ACTN4: variants seen among roughly 807,000 people sequenced by gnomAD.
ACTN4 encodes alpha-actinin-4.
A neutral mutation model predicts 114.2 loss-of-function variants in ACTN4; 18 were observed. That is an observed-to-expected ratio of 0.16 (90% CI 0.11 to 0.23). ACTN4 has a LOEUF of 0.23. Ranked by LOEUF, ACTN4 falls within the 10% of genes least tolerant of loss-of-function variation. The probability of loss-of-function intolerance (pLI) is 1.00; values close to 1 mark genes in which losing one functional copy is unlikely to be tolerated. For synonymous variants in ACTN4, 515 were observed against 506.3 expected (o/e 1.02, Z -0.23); for missense variants, 722 against 1,262.9 (o/e 0.57, Z 6.49).
intron 1 of ACTN4, 62 bp downstream of exon 1, chr19:38,647,969 G>A: frequency 5.0e-6 from 7 of 1,402,360 alleles, no homozygotes; most frequent in Non-Finnish European, 4.6e-6. Context: ...GGGGAGGGGT[G>A]GGAGGTCCTG....
intron 1 of ACTN4, among the ~76,000 whole-genome samples, chr19:38,676,093 G>A (rs962942758): frequency 2.6e-5 from 4 of 152,172 alleles, no homozygotes; most frequent in Admixed American, 2.6e-4. Flanking sequence ...ATAGGGTCTT[G>A]TTCTGTGGGA....
At chr19:38,704,090 A>G (rs1372037246) in intron 3 of ACTN4, among the ~76,000 whole-genome samples, 2 of 152,214 alleles carry the variant, frequency 1.3e-5, no homozygotes, top group African/African-American at 4.8e-5. Context: ...AGGCAGGAAG[A>G]TCACTTGAGC....
intron 1 of ACTN4, among the ~76,000 whole-genome samples, chr19:38,658,518 C>A (rs947060752): frequency 2.0e-5 from 3 of 152,118 alleles, no homozygotes; most frequent in Middle Eastern, 3.2e-3. Flanking sequence ...GAGTACCTTG[C>A]CTTAAACTAT....
intron 1 of ACTN4, among the ~76,000 whole-genome samples, chr19:38,673,498 T>TATATATTC (rs1967212817): frequency 1.7e-5 from 1 of 57,940 alleles, no homozygotes; most frequent in African/African-American, 4.2e-5. Flanking sequence ...CATATATATT[T>TATATATTC]ATATATATGA....
intron 1 of ACTN4, among the ~76,000 whole-genome samples, chr19:38,697,673 C>T (rs1968138722): frequency 6.6e-6 from 1 of 152,258 alleles, no homozygotes; most frequent in African/African-American, 2.4e-5. Context: ...GTGCGTGGCC[C>T]TCCCTGCAGC....
At position 38,726,452 on chromosome 19, in the gene ACTN4, G is replaced by A. The variant is rs1568748568; in HGVS notation, c.2191-505G>A. On this transcript the variant is annotated intron_variant, in intron 17 of 20. Coordinates refer to ENST00000252699, the MANE Select transcript of ACTN4 (RefSeq NM_004924.6). The stretch of plus-strand genomic sequence containing the variant: ...CACCGTTTGCCCTGTGGCCTTAGCA[G>A]TATCAGCCTTGCTCAGGGCCAGAGC... Among the ~76,000 whole-genome samples the A allele has an allele frequency of 2.0e-5, 3 of 152,234 alleles. No individual in the cohort carries two copies. The South Asian group carries it at 6.2e-4, about 31-fold the overall frequency.
rs577488414 is a variant in ACTN4, at chr19:38,729,727, A to C, written c.*295A>C. ...AGGGGCCAGTGGATTCCCACAGCAC[A>C]ACCGGTCCCTTCCATGCCCTGGGAT... On this transcript the variant is annotated 3_prime_UTR_variant, in exon 21 of 21. Transcript: ENST00000252699. The C allele has an allele frequency of 2.0e-4, 121 of 599,182 alleles. 1 individual carries two copies. Among genetic ancestry groups the C allele is most frequent in the South Asian group, 1.2e-3 (77 of 65,744 alleles). The allele number at this position is 599,182 out of a possible 1,614,324, so 37.1% of individuals were successfully genotyped here.
chr19:38,685,804 C>T (rs1417123136), intron 1 of ACTN4, among the ~76,000 whole-genome samples: 3 of 151,998 alleles, frequency 2.0e-5, no homozygotes, highest in Non-Finnish European at 4.4e-5. Context: ...CTGACTTGGC[C>T]GGGTGGACTG....
At chr19:38,695,803 A>C (rs1470518265) in intron 1 of ACTN4, among the ~76,000 whole-genome samples, 1 of 151,544 alleles carries the variant, frequency 6.6e-6, no homozygotes, top group East Asian at 1.9e-4. Flanking sequence ...CTTCAAGGAC[A>C]CCTTTCTGTG....
intron 16 of ACTN4, among the ~76,000 whole-genome samples, chr19:38,725,506 C>G (rs1029434565): frequency 2.0e-5 from 3 of 152,238 alleles, no homozygotes; most frequent in African/African-American, 7.2e-5. Flanking sequence ...CAGAGAAAAC[C>G]TCCCTGTCAT....
At chr19:38,672,961 T>C (rs1161353483) in intron 1 of ACTN4, among the ~76,000 whole-genome samples, 1 of 149,748 alleles carries the variant, frequency 6.7e-6, no homozygotes, top group African/African-American at 2.5e-5. Context: ...TTTTTTTTTT[T>C]GGAGACAGTC....
intron 1 of ACTN4, among the ~76,000 whole-genome samples, chr19:38,649,716 C>T (rs1228069661): frequency 6.6e-6 from 1 of 152,012 alleles, no homozygotes; most frequent in Non-Finnish European, 1.5e-5. Flanking sequence ...GACTGGAAGC[C>T]TCTCGAGGGC....
Position 38,709,464 on chromosome 19 carries a change from C to G in ACTN4, c.721C>G (p.Leu241Val). Residue 241 changes from leucine (L) to valine (V), a missense_variant, in exon 7 of 21, where the codon CTG (leucine) becomes GTG (valine). This residue lies in a region of ACTN4 where 127 missense variants were observed against 311.3 expected (regional missense o/e 0.41). Coordinates refer to ENST00000252699, the MANE Select transcript of ACTN4 (RefSeq NM_004924.6). ...GAAATACCTCGACATCCCCAAGATG[C>G]TGGATGCAGAGGGTAAGTCATCTCT... Reference protein sequence around the residue: ...AEKYLDIPKMLDAEDIVNTAR... With the variant: ...AEKYLDIPKMVDAEDIVNTAR... The G allele has an allele frequency of 6.2e-7, 1 of 1,613,760 alleles. No homozygotes were observed. Among genetic ancestry groups the G allele is most frequent in the Non-Finnish European group, 8.5e-7 (1 of 1,179,622 alleles).
intron 1 of ACTN4, among the ~76,000 whole-genome samples, chr19:38,681,299 C>T (rs1246838297): frequency 2.0e-5 from 3 of 152,016 alleles, no homozygotes; most frequent in African/African-American, 7.2e-5. Flanking sequence ...CCCATGTCTC[C>T]CTCAGCAGCC....
Position 38,724,695 on chromosome 19 carries a change from A to G in ACTN4, c.2010+130A>G, listed in dbSNP as rs1042446530. 3 of 1,445,298 alleles carry G rather than the reference A, an allele frequency of 2.1e-6. No individual in the cohort carries two copies. Among genetic ancestry groups the G allele is most frequent in the South Asian group, 2.3e-5 (2 of 85,214 alleles). 89.5% of individuals were successfully genotyped at this position (1,445,298 alleles called of 1,614,324 possible). A position where few individuals can be genotyped will look rare whatever the true frequency, so the allele number is the denominator to read the frequency against. ...GAGCAGGTCCCAATTCTCACCACCC[A>G]GGGGCCGTGATCACCCTGCGGGGTT... On this transcript the variant is annotated intron_variant, in intron 16 of 20. Transcript: ENST00000252699. This position sits in a 1 kb window ranked among gnomAD's most constrained non-coding sequence, Gnocchi z 7.0.
rs111502047 is a variant in ACTN4 at position 38,705,021 on chromosome 19, G to A, written c.484+1G>A. On this transcript the variant is annotated splice_donor_variant, in intron 4 of 20. Transcript: ENST00000252699. LOFTEE classifies it high-confidence loss of function. ...GCCATCCAGGACATCTCCGTGGAAG[G>A]TGACAGCCACCTGTACTGCCCCCGC... 1 of 1,614,054 alleles carries A rather than the reference G, an allele frequency of 6.2e-7. No homozygotes were observed. Among genetic ancestry groups the A allele is most frequent in the Non-Finnish European group, 8.5e-7 (1 of 1,179,886 alleles).
chr19:38,730,249 T>A lies in ACTN4; in HGVS notation c.*817T>A, dbSNP rs1156938379. 1 of 158,674 alleles carries A rather than the reference T, an allele frequency of 6.3e-6. No homozygotes were observed. Among genetic ancestry groups the A allele is most frequent in the African/African-American group, 2.4e-5 (1 of 41,420 alleles). The allele number at this position is 158,674 out of a possible 1,614,324, so 9.8% of individuals were successfully genotyped here. A position where few individuals can be genotyped will look rare whatever the true frequency, so the allele number is the denominator to read the frequency against. On this transcript the variant is annotated 3_prime_UTR_variant, in exon 21 of 21. Transcript: ENST00000252699. ...TTTATTATATAAATATATATTCACC[T>A]AGCAACATATCTCTGCCGTCTCTCC...
intron 19 of ACTN4, among the ~76,000 whole-genome samples, chr19:38,728,555 C>T (rs1002075468): frequency 4.6e-5 from 7 of 152,060 alleles, no homozygotes; most frequent in East Asian, 1.9e-4. Flanking sequence ...CTGCATCTGC[C>T]GGGGTGGGGT....
intron 5 of ACTN4, 86 bp downstream of exon 5, chr19:38,706,217 C>A: frequency 1.4e-6 from 2 of 1,431,032 alleles, no homozygotes; most frequent in South Asian, 1.2e-5. Flanking sequence ...GTGTTTTTGT[C>A]GTGGTCTGTG....
Sources: allele counts gnomAD v4.1 joint callset (sites outside exome capture counted in the v4.1 genomes callset), GRCh38; gene constraint gnomAD v4.1.1; regional missense constraint gnomAD v4.1.1; non-coding constraint Gnocchi (gnomAD v3.1); transcripts MANE v1.5; gene names NCBI Gene and HGNC (gene_info 2026-07-23, HGNC 2026-07-21).